AEBP1: variants seen among roughly 807,000 people sequenced by gnomAD.
The protein encoded by AEBP1 is AE binding protein 1.
Under a neutral mutation model 116.5 loss-of-function variants are expected in AEBP1, and 69 were observed. That is an observed-to-expected ratio of 0.59 (90% CI 0.49 to 0.72). The LOEUF is 0.72. AEBP1 is among the 30% of genes least tolerant of loss of function. The probability of loss-of-function intolerance (pLI) is 0.00; values close to 1 mark genes in which losing one functional copy is unlikely to be tolerated. For synonymous variants in AEBP1, 627 were observed against 627.3 expected, an observed-to-expected ratio of 1.00 and a Z score of 0.01; for missense variants, 1,444 against 1,557.5, an observed-to-expected ratio of 0.93 and a Z score of 1.23.
chr7:44,110,693 G>C (rs750140379), intron 11 of AEBP1, 32 bp from the exon 12 acceptor site: 1 of 1,502,832 alleles, frequency 6.7e-7, no homozygotes, highest in Non-Finnish European at 8.9e-7. Context: ...GGAGGGGGAA[G>C]ACCCTTGCTC....
At position 44,107,958 on chromosome 7, in the gene AEBP1, G is replaced by A. The variant is rs1385095269; in HGVS notation, c.862+27G>A. ...TAGGATGGGGGGCAGGAGAGGAGGT[G>A]CCATGGCCACGGCGCTCTGGCCCCC... On this transcript the variant is annotated intron_variant, in intron 5 of 20. Coordinates refer to ENST00000223357, the MANE Select transcript of AEBP1 (RefSeq NM_001129.5). This position sits in a 1 kb window ranked among gnomAD's most constrained non-coding sequence, Gnocchi z 4.3. 4.9e-6 allele frequency: 7 copies of A among 1,425,282 alleles called. No individual in the cohort carries two copies. The highest frequency in any genetic ancestry group is 1.2e-5 in the South Asian group (1 of 82,230). 88.3% of individuals were successfully genotyped at this position (1,425,282 alleles called of 1,614,324 possible).
chr7:44,111,673 G>A lies in AEBP1; in HGVS notation c.1840+43G>A, dbSNP rs200376309. On this transcript the variant is annotated intron_variant, in intron 15 of 20. Transcript: ENST00000223357. The surrounding 1 kb of genome is among the most constrained non-coding windows in gnomAD (Gnocchi z 4.7). The stretch of plus-strand genomic sequence containing the variant: ...CCAGCAGCTGGCCTCTGCTGCTGAT[G>A]TGCAGAGCTCACTGCCTCCCGCCTG... The A allele has an allele frequency of 4.3e-3, 6,854 of 1,607,562 alleles. 19 individuals are homozygous for A. The highest frequency in any genetic ancestry group is 5.2e-3 in the Non-Finnish European group (6,174 of 1,177,732).
rs199942462 is a variant in AEBP1 at position 44,109,129 on chromosome 7, C to G, written c.1041C>G (p.Ser347Arg). 6.2e-7 allele frequency: 1 copy of G among 1,613,654 alleles called. No homozygotes were observed. Among genetic ancestry groups the G allele is most frequent in the Non-Finnish European group, 8.5e-7 (1 of 1,180,002 alleles). ...CAGAGAAACCCAAAAAGGAGGACAGCAGCCCCAAGGAGGAGACCGACAAGT... is the reference window on the plus strand; with the variant it reads ...CAGAGAAACCCAAAAAGGAGGACAGGAGCCCCAAGGAGGAGACCGACAAGT... ...EELKKPKKED[S>R]SPKEETDKWA... The change falls in exon 8 of 21, where the codon AGC becomes AGG. Residue 347 changes from serine (S) to arginine (R), a missense_variant. Ser to Arg is a moderately radical substitution (Grantham distance 110). Transcript: ENST00000223357.
rs36040343 is a variant in AEBP1 at position 44,107,594 on chromosome 7, G to A, written c.668-35G>A. ...GGCTTCCCCAGAGTAGGCCTGGGTG[G>A]GGTTGTCAGGCAGCTACCAGCGCTT... On this transcript the variant is annotated intron_variant, in intron 3 of 20. Transcript: ENST00000223357. The surrounding 1 kb of genome is among the most constrained non-coding windows in gnomAD (Gnocchi z 4.3). 0.051 allele frequency: 82,637 copies of A among 1,613,348 alleles called. 2,406 individuals are homozygous for A. The highest frequency in any genetic ancestry group is 0.059 in the Non-Finnish European group (70,015 of 1,179,810).
rs750684277 is a variant in AEBP1 at position 44,112,373 on chromosome 7, G to T, written c.2217+52G>T. On this transcript the variant is annotated intron_variant, in intron 17 of 20. Coordinates refer to ENST00000223357, the MANE Select transcript of AEBP1 (RefSeq NM_001129.5). The surrounding 1 kb of genome is among the most constrained non-coding windows in gnomAD (Gnocchi z 6.6). The stretch of plus-strand genomic sequence containing the variant: ...CAGGAGGGAGCAGCTGGACCCTGGG[G>T]TCCTGGTGTTCTGGGCTTGGGGGTG... 6.6e-7 allele frequency: 1 copy of T among 1,510,314 alleles called. No homozygotes were observed. The highest frequency in any genetic ancestry group is 8.9e-7 in the Non-Finnish European group (1 of 1,129,684). 93.6% of individuals were successfully genotyped at this position (1,510,314 alleles called of 1,614,324 possible).
Position 44,108,274 on chromosome 7 carries a change from G to A in AEBP1, c.940+190G>A, listed in dbSNP as rs1384836112. Among the ~76,000 whole-genome samples, 10 of 152,056 alleles carry A rather than the reference G, an allele frequency of 6.6e-5. No homozygotes were observed. Among genetic ancestry groups the A allele is most frequent in the Admixed American group, 3.9e-4 (6 of 15,264 alleles). ...CCCTGTCTCCTCTGCCCTCAGGCTG[G>A]TCTTTCCTTGGCCGCTTCCCTGGTT... is the stretch of plus-strand genomic sequence containing the variant. On this transcript the variant is annotated intron_variant, in intron 6 of 20. Transcript: ENST00000223357. The surrounding 1 kb of genome is among the most constrained non-coding windows in gnomAD (Gnocchi z 5.0).
rs367545586 is a variant in AEBP1, at chr7:44,109,486, C to T, written c.1150+145C>T. 1,632 of 1,035,282 alleles carry T rather than the reference C, an allele frequency of 1.6e-3. 19 individuals are homozygous for T. The African/African-American group carries it at 0.022, about 14-fold the overall frequency. 64.1% of individuals were successfully genotyped at this position (1,035,282 alleles called of 1,614,324 possible). On this transcript the variant is annotated intron_variant, in intron 9 of 20. Transcript: ENST00000223357. The stretch of plus-strand genomic sequence containing the variant: ...CTTGGGACCCAGAAGGGAGGGGCCC[C>T]GGGAGCCCAGGATAGCCTCGCTTGG...
intron 1 of AEBP1, among the ~76,000 whole-genome samples, chr7:44,105,772 T>G (rs1238627983): frequency 6.6e-6 from 1 of 152,120 alleles, no homozygotes; most frequent in Non-Finnish European, 1.5e-5. Context: ...TTTCCTGTGT[T>G]TCTGCCAAAC....
rs758593932 is a variant in AEBP1, at chr7:44,114,166, G to A, written c.3382G>A (p.Glu1128Lys). Residue 1128 changes from glutamate to lysine, a missense_variant, in exon 21 of 21, where the codon GAG becomes AAG. Physicochemically the swap from Glu to Lys is moderately conservative, Grantham distance 56. Transcript: ENST00000223357. ...ETQLEPEFEE[E>K]EEEEKEEEIA... ...CCAGCTGGAACCCGAGTTTGAGGAA[G>A]AGGAGGAGGAGGAGAAAGAGGAGGA... The A allele has an allele frequency of 6.2e-7, 1 of 1,610,394 alleles. No homozygotes were observed. Among genetic ancestry groups the A allele is most frequent in the East Asian group, 2.2e-5 (1 of 44,868 alleles).
At position 44,107,758 on chromosome 7, in the gene AEBP1, A is replaced by T; in HGVS notation, c.740-51A>T. On this transcript the variant is annotated intron_variant, in intron 4 of 20. Transcript: ENST00000223357. The surrounding 1 kb of genome is among the most constrained non-coding windows in gnomAD (Gnocchi z 4.3). ...GGACCCCTGGCCTGGGGGATGTGCC[A>T]ATGGGCCCATCCCAGCCTTGGGCCC... The T allele has an allele frequency of 6.2e-7, 1 of 1,612,854 alleles. No individual in the cohort carries two copies. The highest frequency in any genetic ancestry group is 2.2e-5 in the East Asian group (1 of 44,822).
Position 44,113,601 on chromosome 7 carries a change from T to C in AEBP1, c.2817T>C (p.Gly939=), listed in dbSNP as rs2096232623. 2 of 1,610,240 alleles carry C rather than the reference T, an allele frequency of 1.2e-6. No homozygotes were observed. Among genetic ancestry groups the C allele is most frequent in the African/African-American group, 2.7e-5 (2 of 74,758 alleles). ...GINHGVKTAS[G]GDYWRILNPG... Reference sequence around the variant, plus strand: ...ATCGTTCTCCCTCCGCAGCCAGTGGTGGTGATTACTGGCGAATCTTGAACC... The same window carrying C: ...ATCGTTCTCCCTCCGCAGCCAGTGGCGGTGATTACTGGCGAATCTTGAACC... Residue 939 remains glycine (G), a synonymous_variant, in exon 21 of 21, where the codon GGT becomes GGC. Coordinates refer to ENST00000223357, the MANE Select transcript of AEBP1 (RefSeq NM_001129.5). The surrounding 1 kb of genome is among the most constrained non-coding windows in gnomAD (Gnocchi z 5.3).
intron 9 of AEBP1, 58 bp from the exon 10 acceptor site, chr7:44,109,957 G>A (rs1317386897): frequency 9.9e-6 from 15 of 1,509,820 alleles, no homozygotes; most frequent in African/African-American, 2.8e-5. Flanking sequence ...TTGGTTCTGG[G>A]TTTGGTGGAG....
Position 44,104,798 on chromosome 7 carries a change from C to A in AEBP1, c.133C>A (p.Leu45Ile), listed in dbSNP as rs1394316396. 2 of 1,610,060 alleles carry A rather than the reference C, an allele frequency of 1.2e-6. No individual in the cohort carries two copies. Among genetic ancestry groups the A allele is most frequent in the East Asian group, 4.5e-5 (2 of 44,698 alleles). ...EEFLEGFLSE[L>I]EPEPREDDVE... is the part of the protein sequence containing the mutation. ...GTTCCTCGAGGGCTTCCTGTCAGAG[C>A]TAGAACCTGAGCCCCGGGAGGACGA... The change falls in exon 1 of 21, where the codon CTA becomes ATA. Residue 45 changes from leucine (L) to isoleucine (I), a missense_variant. By Grantham distance (5) the Leu-to-Ile change is conservative. Coordinates refer to ENST00000223357, the MANE Select transcript of AEBP1 (RefSeq NM_001129.5).
In AEBP1 at chr7:44,107,120, C is replaced by T. The variant is rs2096223755; in HGVS notation, c.595+233C>T. ...CAGCCTTTTGGGTGGGACCTCTGTC[C>T]CTCAGGCCCCTGCCCAGATGTCCCT... On this transcript the variant is annotated intron_variant, in intron 2 of 20. Coordinates refer to ENST00000223357, the MANE Select transcript of AEBP1 (RefSeq NM_001129.5). This position sits in a 1 kb window ranked among gnomAD's most constrained non-coding sequence, Gnocchi z 4.3. 6.6e-6 allele frequency among the ~76,000 whole-genome samples: 1 copy of T among 152,224 alleles called. No individual in the cohort carries two copies. Among genetic ancestry groups the T allele is most frequent in the East Asian group, 1.9e-4 (1 of 5,186 alleles).
chr7:44,106,953 G>T (rs2096223597), intron 2 of AEBP1, 66 bp downstream of exon 2: 1 of 1,289,002 alleles, frequency 7.8e-7, no homozygotes, highest in East Asian at 2.5e-5. Flanking sequence ...GCAGGGAGTG[G>T]GAGGCAGGTT....
At chr7:44,109,249 C>T (rs780216181) in intron 8 of AEBP1, 39 bp from the exon 9 acceptor site, 24 of 1,611,422 alleles carry the variant, frequency 1.5e-5, no homozygotes, top group Non-Finnish European at 1.8e-5. Context: ...GATTGCCTCC[C>T]GGGCCCTTGG....
At position 44,113,679 on chromosome 7, in the gene AEBP1, G is replaced by C; in HGVS notation, c.2895G>C (p.Lys965Asn). ...CGGAGGGCTACACCCCGAGCGCCAAGACCTGCAATGTTGACTATGACATCG... is the reference window on the plus strand; with the variant it reads ...CGGAGGGCTACACCCCGAGCGCCAACACCTGCAATGTTGACTATGACATCG... ...AHAEGYTPSA[K>N]TCNVDYDIGA... The change falls in exon 21 of 21, where the codon AAG (lysine) becomes AAC (asparagine). Residue 965 changes from lysine (K) to asparagine (N), a missense_variant. Lys to Asn is a moderately conservative substitution (Grantham distance 94). Coordinates refer to ENST00000223357, the MANE Select transcript of AEBP1 (RefSeq NM_001129.5). This position sits in a 1 kb window ranked among gnomAD's most constrained non-coding sequence, Gnocchi z 5.3. 6.2e-7 allele frequency: 1 copy of C among 1,614,004 alleles called. No homozygotes were observed. Among genetic ancestry groups the C allele is most frequent in the Non-Finnish European group, 8.5e-7 (1 of 1,179,982 alleles).
Position 44,113,988 on chromosome 7 carries a change from G to A in AEBP1, c.3204G>A (p.Trp1068Ter), listed in dbSNP as rs779228337. 2.5e-6 allele frequency: 4 copies of A among 1,613,908 alleles called. No homozygotes were observed. In the South Asian group the frequency reaches 4.4e-5, roughly 18 times the overall value. Reference sequence around the variant, plus strand: ...CCCTGAGCACTACCATAGAGCCCTGGGGCCTCATACCGCCAACCACCGCTG... The same window carrying A: ...CCCTGAGCACTACCATAGAGCCCTGAGGCCTCATACCGCCAACCACCGCTG... ...ATTLSTTIEP[W>*]GLIPPTTAGW... is the part of the protein sequence containing the mutation. The change falls in exon 21 of 21, where the codon TGG becomes TGA. Residue 1068 changes from tryptophan (W) to a stop codon, truncating the protein, a stop_gained. Coordinates refer to ENST00000223357, the MANE Select transcript of AEBP1 (RefSeq NM_001129.5). LOFTEE classifies it low-confidence loss of function (END_TRUNC). This position sits in a 1 kb window ranked among gnomAD's most constrained non-coding sequence, Gnocchi z 5.3.
intron 1 of AEBP1, 126 bp downstream of exon 1, chr7:44,105,044 G>T: frequency 1.1e-6 from 1 of 876,862 alleles, no homozygotes; most frequent in Non-Finnish European, 1.7e-6. Flanking sequence ...TAATGCGCAC[G>T]CGAGCCCAGA....
Sources: allele counts gnomAD v4.1 joint callset (sites outside exome capture counted in the v4.1 genomes callset), GRCh38; gene constraint gnomAD v4.1.1; non-coding constraint Gnocchi (gnomAD v3.1); transcripts MANE v1.5; gene names NCBI Gene and HGNC (gene_info 2026-07-23, HGNC 2026-07-21).